Variants in CPEB1 observed in about 807,000 individuals in gnomAD.
CPEB1 encodes the protein cytoplasmic polyadenylation element binding protein 1.
In CPEB1, 7 loss-of-function variants were observed where a neutral mutation model predicts 65.8. The ratio of observed to expected loss-of-function variants is 0.11; its 90% CI spans 0.06 to 0.20. The LOEUF (loss-of-function observed/expected upper bound fraction) is 0.20. Ranked by LOEUF, CPEB1 falls within the 10% of genes least tolerant of loss-of-function variation. The probability of loss-of-function intolerance (pLI) is 1.00; values close to 1 mark genes in which losing one functional copy is unlikely to be tolerated. For synonymous variants in CPEB1, 262 were observed against 260.0 expected (o/e 1.01, Z -0.08); for missense variants, 551 against 712.2 (o/e 0.77, Z 2.58).
At chr15:82,628,041 A>T in intron 2 of CPEB1, 2 of 605,520 alleles carry the variant, frequency 3.3e-6, no homozygotes, top group African/African-American at 1.8e-5. Flanking sequence ...AAGACCTTTA[A>T]GGCTCATTAC....
chr15:82,566,624 T>G (rs945418226), intron 4 of CPEB1, among the ~76,000 whole-genome samples: 1 of 152,156 alleles, frequency 6.6e-6, no homozygotes, highest in African/African-American at 2.4e-5. Context: ...CTCCCAGTCT[T>G]GATCATCAGG....
At chr15:82,641,169 T>C (rs952634520) in intron 1 of CPEB1, among the ~76,000 whole-genome samples, 1 of 152,042 alleles carries the variant, frequency 6.6e-6, no homozygotes, top group African/African-American at 2.4e-5. Flanking sequence ...CAACTCCAAG[T>C]TATATGTAGG....
chr15:82,591,456 G>C (rs1455210754), intron 3 of CPEB1, among the ~76,000 whole-genome samples: 1 of 152,124 alleles, frequency 6.6e-6, no homozygotes, highest in Non-Finnish European at 1.5e-5. Flanking sequence ...AGTAGAGACA[G>C]GGCTTCACTA....
Position 82,556,072 on chromosome 15 carries a change from A to G in CPEB1, c.738T>C (p.Gly246=), listed in dbSNP as rs747825424. 4 of 1,610,336 alleles carry G rather than the reference A, an allele frequency of 2.5e-6. No individual in the cohort carries two copies. In the South Asian group the frequency reaches 4.4e-5, roughly 18 times the overall value. Residue 246 remains glycine, a synonymous_variant, in exon 6 of 13, where the codon GGT becomes GGC. Coordinates refer to ENST00000684509, the MANE Select transcript of CPEB1 (RefSeq NM_001365242.1). ...PPLPFLSLSG[G]GPRDPLKMGV... ...CCATCTTTAAAGGGTCTCTGGGACC[A>G]CCCCCTGACAGAGACAGGAAGGGCA...
At chr15:82,647,966 C>T (rs924923275), upstream of CPEB1, 6 of 961,686 alleles carry the variant, frequency 6.2e-6, no homozygotes, top group South Asian at 1.6e-4. Flanking sequence ...CAGCGGGCCG[C>T]GCGCAGCCCC....
At chr15:82,629,578 G>C (rs1048677310) in intron 1 of CPEB1, 1 of 985,148 alleles carries the variant, frequency 1.0e-6, no homozygotes, top group African/African-American at 1.7e-5. Context: ...CTTCACTCCG[G>C]TCTCCCTCAC....
chr15:82,601,968 AAAG>A lies in CPEB1; in HGVS notation c.271+25222_271+25224del, dbSNP rs538028418. On this transcript the variant is annotated intron_variant, in intron 3 of 12. Coordinates refer to ENST00000684509, the MANE Select transcript of CPEB1 (RefSeq NM_001365242.1). Reference sequence around the variant, plus strand: ...AATAAGCATATATTCCCCCTGCAAAAAAGAATATAGAAAATCTGAAACATCAAA... The same window carrying A: ...AATAAGCATATATTCCCCCTGCAAAAAATATAGAAAATCTGAAACATCAAA... Among the ~76,000 whole-genome samples, 377 of 152,356 alleles carry A rather than the reference AAAG, an allele frequency of 2.5e-3. 2 individuals are homozygous for A. The highest frequency in any genetic ancestry group is 8.3e-3 in the African/African-American group (344 of 41,568).
chr15:82,566,358 C>T (rs1305903800), intron 4 of CPEB1, among the ~76,000 whole-genome samples: 4 of 152,148 alleles, frequency 2.6e-5, no homozygotes, highest in Non-Finnish European at 2.9e-5. Context: ...GATATAAGGC[C>T]GTATACCTGG....
In CPEB1 at chr15:82,612,314, T is replaced by C. The variant is rs551897523; in HGVS notation, c.271+14879A>G. Among the ~76,000 whole-genome samples, 8 of 151,866 alleles carry C rather than the reference T, an allele frequency of 5.3e-5. No individual in the cohort carries two copies. In the East Asian group the frequency reaches 1.4e-3, roughly 26 times the overall value. On this transcript the variant is annotated intron_variant, in intron 3 of 12. Coordinates refer to ENST00000684509, the MANE Select transcript of CPEB1 (RefSeq NM_001365242.1). The stretch of plus-strand genomic sequence containing the variant: ...GAGTTCGAGACCAGCCTGCCTAACA[T>C]GGTGAAACCCCATCTCTACTAAAAA...
chr15:82,547,161 G>A lies in CPEB1; in HGVS notation c.1557C>T (p.Thr519=), dbSNP rs768160786. The A allele has an allele frequency of 6.2e-7, 1 of 1,612,696 alleles. No individual in the cohort carries two copies. The highest frequency in any genetic ancestry group is 2.2e-5 in the East Asian group (1 of 44,866). Residue 519 remains threonine (T), a synonymous_variant, in exon 11 of 13, where the codon ACC becomes ACT. Transcript: ENST00000684509. ...AACTCACCTTCTTTGTGAACTTGGT[G>A]GTTTTGATCTCCACAAAAGCAGCGC... ...AVSAAFVEIK[T]TKFTKKVQID... is the part of the protein sequence containing the mutation.
At position 82,574,722 on chromosome 15, in the gene CPEB1, CAAAAAAAAA is replaced by C. The variant is rs534968367; in HGVS notation, c.272-3199_272-3191del. Among the ~76,000 whole-genome samples, 236 of 53,500 alleles carry C rather than the reference CAAAAAAAAA, an allele frequency of 4.4e-3. 2 individuals are homozygous for C. Among genetic ancestry groups the C allele is most frequent in the African/African-American group, 0.016 (221 of 13,702 alleles). 35.1% of individuals were successfully genotyped at this position (53,500 alleles called of 152,430 possible). A position where few individuals can be genotyped will look rare whatever the true frequency, so the allele number is the denominator to read the frequency against. Reference sequence around the variant, plus strand: ...TGGGCAACAGAGCTAGACTCGGTCTCAAAAAAAAAAAAAAAAAAAAAAAAAAAAATCATA... The same window carrying C: ...TGGGCAACAGAGCTAGACTCGGTCTCAAAAAAAAAAAAAAAAAAAATCATA... On this transcript the variant is annotated intron_variant, in intron 3 of 12. Coordinates refer to ENST00000684509, the MANE Select transcript of CPEB1 (RefSeq NM_001365242.1).
At chr15:82,551,155 G>C (rs140914141) in intron 9 of CPEB1, among the ~76,000 whole-genome samples, 2,685 of 152,262 alleles carry the variant, frequency 0.018, 30 homozygotes, top group Non-Finnish European at 0.025. Flanking sequence ...CAGAGGATGA[G>C]CCTGCCCTCT....
intron 1 of CPEB1, among the ~76,000 whole-genome samples, chr15:82,642,883 A>G (rs1432398716): frequency 6.6e-6 from 1 of 152,214 alleles, no homozygotes; most frequent in Admixed American, 6.5e-5. Context: ...AACAGTGTAA[A>G]CATTAATATT....
At chr15:82,600,077 T>A (rs2042975421) in intron 3 of CPEB1, among the ~76,000 whole-genome samples, 1 of 152,042 alleles carries the variant, frequency 6.6e-6, no homozygotes, top group Non-Finnish European at 1.5e-5. Flanking sequence ...AGTCTATACA[T>A]ACAAGAAACC....
intron 3 of CPEB1, among the ~76,000 whole-genome samples, chr15:82,603,872 G>A (rs1280078872): frequency 2.0e-5 from 3 of 152,146 alleles, no homozygotes; most frequent in East Asian, 1.9e-4. Flanking sequence ...CGGATAACCC[G>A]ATTTCCAGAC....
intron 3 of CPEB1, among the ~76,000 whole-genome samples, chr15:82,587,487 C>T (rs1241477549): frequency 6.6e-6 from 1 of 152,170 alleles, no homozygotes; most frequent in Non-Finnish European, 1.5e-5. Context: ...CAAAGGAGAA[C>T]ACTTAAGTGG....
rs1567159541 is a variant in CPEB1, at chr15:82,543,466, A to ATTTTT, written c.*1125_*1126insAAAAA. On this transcript the variant is annotated 3_prime_UTR_variant, in exon 13 of 13. Transcript: ENST00000684509. Reference sequence around the variant, plus strand: ...GTGGGTTTTTTGTTTCTTTTTAAAAAAAAAAAAAAAAAAAAAAAGGAAAGA... The same window carrying ATTTTT: ...GTGGGTTTTTTGTTTCTTTTTAAAAATTTTTAAAAAAAAAAAAAAAAAAGGAAAGA... The ATTTTT allele has an allele frequency of 8.0e-4, 119 of 148,330 alleles. 1 individual carries two copies. Among genetic ancestry groups the ATTTTT allele is most frequent in the African/African-American group, 3.0e-3 (117 of 39,238 alleles). 9.2% of individuals were successfully genotyped at this position (148,330 alleles called of 1,614,324 possible).
rs564213409 is a variant in CPEB1 at position 82,571,242 on chromosome 15, G to A, written c.460+102C>T. 2.1e-6 allele frequency: 3 copies of A among 1,416,292 alleles called. No homozygotes were observed. In the Admixed American group the frequency reaches 7.1e-5, roughly 34 times the overall value. 87.7% of individuals were successfully genotyped at this position (1,416,292 alleles called of 1,614,324 possible). ...TCCATGTTGTATGTGTGTATGGTGG[G>A]GAGTGATGCAAAGGGGAACAGAACA... On this transcript the variant is annotated intron_variant, in intron 4 of 12. Transcript: ENST00000684509.
At chr15:82,614,930 AC>A (rs1392904584) in intron 3 of CPEB1, among the ~76,000 whole-genome samples, 1 of 151,998 alleles carries the variant, frequency 6.6e-6, no homozygotes, top group Admixed American at 6.6e-5. Flanking sequence ...ATCTTTATAT[AC>A]CCACACTATC....
Sources: allele counts gnomAD v4.1 joint callset (sites outside exome capture counted in the v4.1 genomes callset), GRCh38; gene constraint gnomAD v4.1.1; transcripts MANE v1.5; gene names NCBI Gene and HGNC (gene_info 2026-07-23, HGNC 2026-07-21).